The following MYT1L variants were observed in gnomAD, a reference collection of about 807,000 sequenced individuals.
MYT1L encodes myelin transcription factor 1 like.
Under a neutral mutation model 126.7 loss-of-function variants are expected in MYT1L, and 12 were observed. That is an observed-to-expected ratio of 0.09 (90% CI 0.06 to 0.15). MYT1L has a LOEUF of 0.15. Ranked by LOEUF, MYT1L falls within the 10% of genes least tolerant of loss-of-function variation. The pLI, the probability that MYT1L is intolerant of heterozygous loss-of-function variation, is 1.00. For synonymous variants in MYT1L, 541 were observed against 604.2 expected (o/e 0.90, Z 1.53); for missense variants, 979 against 1,585.2 (o/e 0.62, Z 6.49).
chr2:2,007,544 T>C (rs1225252487), intron 4 of MYT1L, among the ~76,000 whole-genome samples: 1 of 152,220 alleles, frequency 6.6e-6, no homozygotes, highest in Non-Finnish European at 1.5e-5. Context: ...AGTTGCTACC[T>C]GTGGAGATAT....
chr2:2,097,960 A>T (rs1351202503), intron 3 of MYT1L, among the ~76,000 whole-genome samples: 1 of 152,120 alleles, frequency 6.6e-6, no homozygotes, highest in African/African-American at 2.4e-5. Context: ...CTGGTTGTGT[A>T]AAAGTGTGGC....
rs193131279 is a variant in MYT1L, at chr2:1,949,726, G to A, written c.153-6392C>T. On this transcript the variant is annotated intron_variant, in intron 8 of 24. Coordinates refer to ENST00000647738, the MANE Select transcript of MYT1L (RefSeq NM_001303052.2). ...GCTCCCAACTGCTGTTATCACCGCCGTGGAGAGAGGAACGAGGTGAGGGTG... is the reference window on the plus strand; with the variant it reads ...GCTCCCAACTGCTGTTATCACCGCCATGGAGAGAGGAACGAGGTGAGGGTG... Among the ~76,000 whole-genome samples the A allele has an allele frequency of 1.7e-3, 260 of 152,310 alleles. 1 individual carries two copies. Among genetic ancestry groups the A allele is most frequent in the Non-Finnish European group, 3.1e-3 (213 of 68,034 alleles).
intron 3 of MYT1L, among the ~76,000 whole-genome samples, chr2:2,158,026 C>T (rs1403504996): frequency 3.3e-5 from 5 of 151,894 alleles, no homozygotes; most frequent in Non-Finnish European, 5.9e-5. Context: ...GGTCTCTTGC[C>T]CTTTCCAATA....
chr2:2,295,609 CAG>C (rs1179841558), intron 1 of MYT1L, among the ~76,000 whole-genome samples: 3 of 7,964 alleles, frequency 3.8e-4, no homozygotes, highest in African/African-American at 1.5e-3. Flanking sequence ...GAGAGACAGA[CAG>C]AGAGAGAGAG....
intron 8 of MYT1L, among the ~76,000 whole-genome samples, chr2:1,948,472 G>A (rs192192604): frequency 1.1e-4 from 17 of 152,176 alleles, no homozygotes. Context: ...CACGTGGCTC[G>A]AGGCCCTGCT....
intron 1 of MYT1L, among the ~76,000 whole-genome samples, chr2:2,290,399 C>G (rs1009826211): frequency 6.6e-6 from 1 of 152,140 alleles, no homozygotes; most frequent in South Asian, 2.1e-4. Flanking sequence ...CGAAGACTAG[C>G]GTGCTGTGTG....
rs557976651 is a variant in MYT1L, at chr2:2,185,540, G to A, written c.-420-12552C>T. Among the ~76,000 whole-genome samples the A allele has an allele frequency of 3.0e-3, 438 of 147,194 alleles. 6 individuals are homozygous for A. Among genetic ancestry groups the A allele is most frequent in the Admixed American group, 9.5e-3 (141 of 14,800 alleles). Reference sequence around the variant, plus strand: ...CCCGCGTTCCTTCTGTGAGGCGGACGCAGCCGGGCCTCCTCGAGTCCCGCG... The same window carrying A: ...CCCGCGTTCCTTCTGTGAGGCGGACACAGCCGGGCCTCCTCGAGTCCCGCG... On this transcript the variant is annotated intron_variant, in intron 2 of 24. Coordinates refer to ENST00000647738, the MANE Select transcript of MYT1L (RefSeq NM_001303052.2).
intron 19 of MYT1L, among the ~76,000 whole-genome samples, chr2:1,850,033 A>AGGG (rs144095840): frequency 8.5e-6 from 1 of 117,974 alleles, no homozygotes; most frequent in Non-Finnish European, 1.7e-5. Context: ...CGGGGTGGTG[A>AGGG]GGGGGGGGCC....
intron 3 of MYT1L, among the ~76,000 whole-genome samples, chr2:2,163,446 C>T (rs918466498): frequency 3.3e-5 from 5 of 152,088 alleles, no homozygotes; most frequent in African/African-American, 7.2e-5. Context: ...ACAAAACAGG[C>T]CGGGCGCAGT....
chr2:2,263,315 C>T (rs1274307551), intron 2 of MYT1L, among the ~76,000 whole-genome samples: 2 of 152,012 alleles, frequency 1.3e-5, no homozygotes, highest in Non-Finnish European at 2.9e-5. Context: ...CACCTCCCAG[C>T]TCCAGGGTTA....
At chr2:2,307,615 A>C (rs2095875617) in intron 1 of MYT1L, among the ~76,000 whole-genome samples, 1 of 151,926 alleles carries the variant, frequency 6.6e-6, no homozygotes, top group African/African-American at 2.4e-5. Flanking sequence ...GACTATTGTA[A>C]GTATGACACT....
rs543463395 is a variant in MYT1L, at chr2:1,996,633, T to C, written c.-1+558A>G. On this transcript the variant is annotated intron_variant, in intron 5 of 24. Transcript: ENST00000647738. ...AGTGTGGGCTGTACAGAACCGAGTG[T>C]AGACGGGCCGCCTTTACCTAGTGAG... Among the ~76,000 whole-genome samples the C allele has an allele frequency of 1.2e-4, 16 of 132,022 alleles. No homozygotes were observed. The South Asian group carries it at 4.3e-3, about 35-fold the overall frequency. The allele number at this position is 132,022 out of a possible 152,430, so 86.6% of individuals were successfully genotyped here. A position where few individuals can be genotyped will look rare whatever the true frequency, so the allele number is the denominator to read the frequency against.
At position 1,801,605 on chromosome 2, in the gene MYT1L, G is replaced by T; in HGVS notation, c.3276+91C>A. On this transcript the variant is annotated intron_variant, in intron 23 of 24. Coordinates refer to ENST00000647738, the MANE Select transcript of MYT1L (RefSeq NM_001303052.2). The surrounding 1 kb of genome is among the most constrained non-coding windows in gnomAD (Gnocchi z 4.2). ...AATAAAAGAGCAAATAAGAGGAAAC[G>T]ACAGCTCTCCTAAAAGCTGATTTCA... 1 of 777,870 alleles carries T rather than the reference G, an allele frequency of 1.3e-6. No individual in the cohort carries two copies. The highest frequency in any genetic ancestry group is 1.7e-5 in the South Asian group (1 of 60,568). The allele number at this position is 777,870 out of a possible 1,614,324, so 48.2% of individuals were successfully genotyped here. A position where few individuals can be genotyped will look rare whatever the true frequency, so the allele number is the denominator to read the frequency against.
intron 2 of MYT1L, among the ~76,000 whole-genome samples, chr2:2,226,393 A>C (rs1238281565): frequency 6.6e-6 from 1 of 152,208 alleles, no homozygotes. Flanking sequence ...CACACCATAA[A>C]ATCCACCTTC....
chr2:2,067,918 T>C (rs1405839092), intron 3 of MYT1L, among the ~76,000 whole-genome samples: 1 of 151,980 alleles, frequency 6.6e-6, no homozygotes, highest in African/African-American at 2.4e-5. Flanking sequence ...TATGGAAAAA[T>C]AATCAACAAT....
chr2:2,058,325 C>A (rs1333699770), intron 3 of MYT1L, among the ~76,000 whole-genome samples: 2 of 152,158 alleles, frequency 1.3e-5, no homozygotes, highest in East Asian at 3.8e-4. Flanking sequence ...GATACTAGTT[C>A]TTTGATGAAT....
chr2:1,799,423 G>A (rs1183566180), intron 23 of MYT1L, among the ~76,000 whole-genome samples: 2 of 152,180 alleles, frequency 1.3e-5, no homozygotes, highest in Non-Finnish European at 2.9e-5. Flanking sequence ...CTCAGCCCTC[G>A]GCTGAGCCCC....
chr2:2,185,646 G>A (rs547222086), intron 2 of MYT1L, among the ~76,000 whole-genome samples: 50 of 140,616 alleles, frequency 3.6e-4, no homozygotes, highest in Non-Finnish European at 6.6e-4. Flanking sequence ...GACGCAGCCG[G>A]GCCTCCCAGA....
chr2:1,928,627 A>T (rs1403541726), intron 9 of MYT1L, among the ~76,000 whole-genome samples: 1 of 152,058 alleles, frequency 6.6e-6, no homozygotes, highest in Non-Finnish European at 1.5e-5. Flanking sequence ...CTGCCTCACC[A>T]TTCGGAATGT....
Sources: gnomAD v4.1 joint callset for allele counts (sites outside exome capture counted in the v4.1 genomes callset) on GRCh38, gnomAD v4.1.1 for gene constraint, Gnocchi (gnomAD v3.1) non-coding constraint, MANE v1.5 for transcripts, NCBI Gene and HGNC (gene_info 2026-07-23, HGNC 2026-07-21) for gene names.